ACAP2: variants seen among roughly 807,000 people sequenced by gnomAD.
ACAP2 encodes the protein arf-GAP with coiled-coil, ANK repeat and PH domain-containing protein 2.
ACAP2 carries 39 observed loss-of-function variants against 115.8 expected under a neutral mutation model. The observed-to-expected ratio is 0.34, with a 90% confidence interval of 0.26 to 0.44. The LOEUF (loss-of-function observed/expected upper bound fraction) is 0.44. Ranked by LOEUF, ACAP2 falls within the 20% of genes least tolerant of loss-of-function variation. The probability of loss-of-function intolerance (pLI) is 1.00; values close to 1 mark genes in which losing one functional copy is unlikely to be tolerated. For synonymous variants in ACAP2, 289 were observed against 315.8 expected (o/e 0.92, Z 0.90); for missense variants, 662 against 927.6 (o/e 0.71, Z 3.72).
intron 1 of ACAP2, among the ~76,000 whole-genome samples, chr3:195,400,491 G>C (rs1712193057): frequency 6.7e-6 from 1 of 149,718 alleles, no homozygotes; most frequent in Non-Finnish European, 1.5e-5. Context: ...CAGATATGAA[G>C]TTATTCTTTT....
At chr3:195,374,453 A>G (rs1238890455) in intron 4 of ACAP2, among the ~76,000 whole-genome samples, 1 of 152,238 alleles carries the variant, frequency 6.6e-6, no homozygotes, top group African/African-American at 2.4e-5. Flanking sequence ...AGAGAAAAAG[A>G]AGAGCACTTC....
chr3:195,442,708 C>T, intron 1 of ACAP2, 87 bp downstream of exon 1: 2 of 1,390,948 alleles, frequency 1.4e-6, no homozygotes, highest in Non-Finnish European at 1.9e-6. Flanking sequence ...GACGGCGGGG[C>T]CTCCTCCGGG....
intron 1 of ACAP2, among the ~76,000 whole-genome samples, chr3:195,424,093 G>C (rs1315915762): frequency 6.6e-6 from 1 of 151,480 alleles, no homozygotes; most frequent in Non-Finnish European, 1.5e-5. Context: ...AAGATTCAGA[G>C]CAGAAATGAC....
intron 15 of ACAP2, among the ~76,000 whole-genome samples, chr3:195,298,703 C>T (rs1043168854): frequency 6.6e-6 from 1 of 152,140 alleles, no homozygotes; most frequent in African/African-American, 2.4e-5. Context: ...ACAATCTCGG[C>T]TCACTGCAAC....
At chr3:195,333,202 A>C (rs1435293723) in intron 7 of ACAP2, 79 bp from the exon 8 acceptor site, 1 of 649,982 alleles carries the variant, frequency 1.5e-6, no homozygotes, top group Middle Eastern at 4.2e-4. Context: ...ATATATAAAA[A>C]TATATAAAAG....
intron 1 of ACAP2, among the ~76,000 whole-genome samples, chr3:195,414,723 A>C (rs1361107599): frequency 6.6e-6 from 1 of 152,230 alleles, no homozygotes; most frequent in Non-Finnish European, 1.5e-5. Context: ...AATGATCACT[A>C]GAGTATTTCA....
At chr3:195,440,607 T>A (rs1294105455) in intron 1 of ACAP2, among the ~76,000 whole-genome samples, 1 of 152,248 alleles carries the variant, frequency 6.6e-6, no homozygotes, top group African/African-American at 2.4e-5. Context: ...AAGCTTTTTA[T>A]TTTGATACAA....
chr3:195,408,493 CCTAATGG>C (rs1712979472), intron 1 of ACAP2, among the ~76,000 whole-genome samples: 1 of 152,050 alleles, frequency 6.6e-6, no homozygotes, highest in African/African-American at 2.4e-5. Context: ...AAGTCCTAGA[CCTAATGG>C]CTTCACTGGC....
chr3:195,291,990 TTCCCAAGAA>T (rs1727288623), intron 19 of ACAP2, among the ~76,000 whole-genome samples, 175 bp from the exon 20 acceptor site: 1 of 152,228 alleles, frequency 6.6e-6, no homozygotes, highest in African/African-American at 2.4e-5. Flanking sequence ...TATTATTTTC[TTCCCAAGAA>T]CTAATTCTAA....
chr3:195,347,264 C>T lies in ACAP2; in HGVS notation c.286-1947G>A, dbSNP rs117747783. ...ATAAAACCAACGAAAAGAGAACATC[C>T]AATCTTCTCAGGAACACTAACAACA... On this transcript the variant is annotated intron_variant, in intron 4 of 22. Transcript: ENST00000326793. Among the ~76,000 whole-genome samples the T allele has an allele frequency of 4.1e-4, 62 of 152,144 alleles. No individual in the cohort carries two copies. The East Asian group carries it at 8.5e-3, about 21-fold the overall frequency.
chr3:195,434,433 G>A (rs1465806100), intron 1 of ACAP2, among the ~76,000 whole-genome samples: 3 of 151,216 alleles, frequency 2.0e-5, no homozygotes, highest in African/African-American at 7.3e-5. Context: ...GTAGAGACAG[G>A]GTCTCCCTGT....
Position 195,442,909 on chromosome 3 carries a change from G to A in ACAP2, c.-62C>T. ...AGGGGGCCGCGGGAGCGGCCGCGCTGGGACGCAGACGGCTACGGCGGGCGC... is the reference window on the plus strand; with the variant it reads ...AGGGGGCCGCGGGAGCGGCCGCGCTAGGACGCAGACGGCTACGGCGGGCGC... On this transcript the variant is annotated 5_prime_UTR_variant, in exon 1 of 23. Coordinates refer to ENST00000326793, the MANE Select transcript of ACAP2 (RefSeq NM_012287.6). The A allele has an allele frequency of 1.4e-6, 2 of 1,447,976 alleles. No individual in the cohort carries two copies. Among genetic ancestry groups the A allele is most frequent in the Non-Finnish European group, 1.8e-6 (2 of 1,088,644 alleles). The allele number at this position is 1,447,976 out of a possible 1,614,324, so 89.7% of individuals were successfully genotyped here.
intron 4 of ACAP2, among the ~76,000 whole-genome samples, chr3:195,348,501 GA>G (rs1237280963): frequency 1.3e-5 from 2 of 151,858 alleles, no homozygotes; most frequent in Non-Finnish European, 2.9e-5. Flanking sequence ...TGAGAAAACG[GA>G]AGAACAAAAC....
intron 1 of ACAP2, among the ~76,000 whole-genome samples, chr3:195,406,970 C>T (rs1268073679): frequency 6.6e-6 from 1 of 151,974 alleles, no homozygotes; most frequent in African/African-American, 2.4e-5. Context: ...TGTCCTATAG[C>T]TTAAATCTTG....
In ACAP2 at chr3:195,333,136, A is replaced by G; in HGVS notation, c.574-13T>C. On this transcript the variant is annotated splice_polypyrimidine_tract_variant and intron_variant, in intron 7 of 22. Transcript: ENST00000326793. ...TAAATGACAACATCTAATAGGGAAA[A>G]AAAGATGACCATTTTAAAATCTATT... The G allele has an allele frequency of 6.9e-7, 1 of 1,441,376 alleles. No homozygotes were observed. The highest frequency in any genetic ancestry group is 9.6e-7 in the Non-Finnish European group (1 of 1,042,704). 89.3% of individuals were successfully genotyped at this position (1,441,376 alleles called of 1,614,324 possible). A position where few individuals can be genotyped will look rare whatever the true frequency, so the allele number is the denominator to read the frequency against.
intron 4 of ACAP2, among the ~76,000 whole-genome samples, chr3:195,356,504 G>A (rs969372228): frequency 3.3e-5 from 5 of 152,114 alleles, no homozygotes; most frequent in African/African-American, 1.2e-4. Context: ...CAGCCAATGC[G>A]GCTAAGGGAG....
intron 1 of ACAP2, among the ~76,000 whole-genome samples, chr3:195,425,703 C>T (rs1160650025): frequency 3.9e-5 from 6 of 152,064 alleles, no homozygotes. Flanking sequence ...CCAAAAAAAA[C>T]CTATTCTTCC....
chr3:195,387,799 C>T (rs894055513), intron 2 of ACAP2, among the ~76,000 whole-genome samples: 3 of 152,238 alleles, frequency 2.0e-5, no homozygotes, highest in Non-Finnish European at 2.9e-5. Flanking sequence ...AAGGAGCTAA[C>T]AGTCTGTTGA....
chr3:195,319,600 C>T (rs1377554505), intron 10 of ACAP2, among the ~76,000 whole-genome samples: 6 of 152,308 alleles, frequency 3.9e-5, no homozygotes, highest in East Asian at 3.9e-4. Context: ...GGCTGGGTTT[C>T]GAACTTGTGT....
Sources: allele counts gnomAD v4.1 joint callset (sites outside exome capture counted in the v4.1 genomes callset), GRCh38; gene constraint gnomAD v4.1.1; transcripts MANE v1.5; gene names NCBI Gene and HGNC (gene_info 2026-07-23, HGNC 2026-07-21).